SAMD4B: variants seen among roughly 807,000 people sequenced by gnomAD.
SAMD4B encodes the protein protein Smaug homolog 2.
Under a neutral mutation model 74.5 loss-of-function variants are expected in SAMD4B, and 5 were observed. That is an observed-to-expected ratio of 0.07 (90% CI 0.04 to 0.14). The LOEUF (loss-of-function observed/expected upper bound fraction) is 0.14. Among genes scored for constraint, SAMD4B ranks in the 10% least tolerant of loss-of-function variants. SAMD4B has a pLI of 1.00. For missense variants in SAMD4B, 608 were observed against 921.8 expected (o/e 0.66, Z 4.41); for synonymous variants, 373 against 374.9 (o/e 1.00, Z 0.06).
downstream of SAMD4B, chr19:39,390,245 C>G: frequency 6.2e-7 from 1 of 1,613,846 alleles, no homozygotes; most frequent in Non-Finnish European, 8.5e-7. Flanking sequence ...CCTGGGAAAG[C>G]ACAGTGGGGC....
rs775644806 is a variant in SAMD4B, at chr19:39,384,763, A to G, written c.*1236A>G. 1.4e-4 allele frequency: 21 copies of G among 152,534 alleles called. No individual in the cohort carries two copies. Among genetic ancestry groups the G allele is most frequent in the Non-Finnish European group, 2.4e-4 (16 of 68,012 alleles). The allele number at this position is 152,534 out of a possible 1,614,324, so 9.4% of individuals were successfully genotyped here. On this transcript the variant is annotated 3_prime_UTR_variant, in exon 14 of 14. Coordinates refer to ENST00000610417, the MANE Select transcript of SAMD4B (RefSeq NM_001384574.2). ...TCCTCCCCCTCAACCCACCTTCCCA[A>G]CTGGGACATTCTCAAGCTTTTCACA...
At chr19:39,369,435 G>A (rs935223480) in intron 3 of SAMD4B, 1 of 566,632 alleles carries the variant, frequency 1.8e-6, no homozygotes, top group Non-Finnish European at 3.1e-6. Flanking sequence ...GCAACATAGT[G>A]AGACCCCATC....
In SAMD4B at chr19:39,377,609, C is replaced by T. The variant is rs2077680713; in HGVS notation, c.1229C>T (p.Ala410Val). 6.8e-6 allele frequency: 11 copies of T among 1,614,086 alleles called. No individual in the cohort carries two copies. The highest frequency in any genetic ancestry group is 1.7e-4 in the Middle Eastern group (1 of 6,060). The change falls in exon 8 of 14, where the codon GCC becomes GTC. Residue 410 changes from alanine to valine, a missense_variant. By Grantham distance (64) the Ala-to-Val change is moderately conservative. Coordinates refer to ENST00000610417, the MANE Select transcript of SAMD4B (RefSeq NM_001384574.2). ...GCTGCCGCCACCACCACCCCTACTG[C>T]CAAGGATGGGGCCCCGGGGGAACCA... ...TVAAATTTPT[A>V]KDGAPGEPPL... is the part of the protein sequence containing the mutation.
chr19:39,390,375 T>TATA (rs67921476), downstream of SAMD4B: 4 of 1,297,892 alleles, frequency 3.1e-6, no homozygotes, highest in East Asian at 5.0e-5. Context: ...TTTCAAAAGG[T>TATA]AGGAGGGGTG....
At chr19:39,386,276 G>C (rs145049661), downstream of SAMD4B, 3 of 1,613,950 alleles carry the variant, frequency 1.9e-6, no homozygotes, top group South Asian at 2.2e-5. The surrounding 1 kb of genome is among the most constrained non-coding windows in gnomAD (Gnocchi z 6.1). Context: ...CGCTGCTCTC[G>C]TCCTCACCAC....
downstream of SAMD4B, among the ~76,000 whole-genome samples, chr19:39,388,164 C>T (rs892148420): frequency 6.6e-6 from 1 of 152,092 alleles, no homozygotes; most frequent in African/African-American, 2.4e-5. Context: ...TTTTTTCTGG[C>T]TCCTCCTGTT....
At chr19:39,379,933 C>T (rs1417231150) in intron 9 of SAMD4B, 33 bp from the exon 10 acceptor site, 4 of 1,528,446 alleles carry the variant, frequency 2.6e-6, no homozygotes, top group South Asian at 2.3e-5. Flanking sequence ...AAGCATCACC[C>T]TCTCTGCTTC....
Position 39,375,930 on chromosome 19 carries a change from C to G in SAMD4B, c.907+41C>G. 6.3e-7 allele frequency: 1 copy of G among 1,588,654 alleles called. No individual in the cohort carries two copies. The highest frequency in any genetic ancestry group is 8.5e-7 in the Non-Finnish European group (1 of 1,171,012). On this transcript the variant is annotated intron_variant, in intron 5 of 13. Transcript: ENST00000610417. The surrounding 1 kb of genome is among the most constrained non-coding windows in gnomAD (Gnocchi z 4.1). ...CAGCACCAGGACCCTTTTCCAGGGGCTTCTGCAGAGCTTAGAGGACAGAAA... is the reference window on the plus strand; with the variant it reads ...CAGCACCAGGACCCTTTTCCAGGGGGTTCTGCAGAGCTTAGAGGACAGAAA...
chr19:39,381,335 C>G (rs2077972157), intron 12 of SAMD4B: 2 of 520,312 alleles, frequency 3.8e-6, no homozygotes, highest in South Asian at 2.8e-5. Flanking sequence ...GAGTCATCAT[C>G]TCTCACCCCT....
chr19:39,369,564 A>T, intron 3 of SAMD4B, 91 bp from the exon 4 acceptor site: 1 of 962,510 alleles, frequency 1.0e-6, no homozygotes, highest in Middle Eastern at 2.2e-4. Context: ...AGAAGATTGG[A>T]GCTGAGGGAA....
intron 1 of SAMD4B, among the ~76,000 whole-genome samples, chr19:39,343,992 C>A (rs927590988): frequency 3.9e-5 from 3 of 77,590 alleles, no homozygotes; most frequent in East Asian, 3.2e-4. Flanking sequence ...ACCCCCCCCC[C>A]CCACACACAC....
In SAMD4B at chr19:39,383,881, A is replaced by G; in HGVS notation, c.*354A>G. Reference sequence around the variant, plus strand: ...CACCTGCCTCTCCCCAAGGGAGCAGACTCCCCAGAGACAAACTGACCACTA... The same window carrying G: ...CACCTGCCTCTCCCCAAGGGAGCAGGCTCCCCAGAGACAAACTGACCACTA... On this transcript the variant is annotated 3_prime_UTR_variant, in exon 14 of 14. Transcript: ENST00000610417. The surrounding 1 kb of genome is among the most constrained non-coding windows in gnomAD (Gnocchi z 4.1). 3.1e-6 allele frequency: 2 copies of G among 636,950 alleles called. No individual in the cohort carries two copies. Among genetic ancestry groups the G allele is most frequent in the East Asian group, 2.8e-5 (1 of 36,328 alleles). 39.5% of individuals were successfully genotyped at this position (636,950 alleles called of 1,614,324 possible). A position where few individuals can be genotyped will look rare whatever the true frequency, so the allele number is the denominator to read the frequency against.
At chr19:39,348,587 A>G (rs2075835751) in intron 1 of SAMD4B, among the ~76,000 whole-genome samples, 1 of 152,220 alleles carries the variant, frequency 6.6e-6, no homozygotes, top group Non-Finnish European at 1.5e-5. Context: ...CTTGCAGCCT[A>G]AGGGCCACAG....
At chr19:39,390,252 G>C (rs746092128), downstream of SAMD4B, 4 of 1,613,854 alleles carry the variant, frequency 2.5e-6, no homozygotes, top group East Asian at 8.9e-5. Flanking sequence ...AAGCACAGTG[G>C]GGCTCACCTC....
chr19:39,354,751 G>A (rs951925739), intron 2 of SAMD4B, among the ~76,000 whole-genome samples: 4 of 152,236 alleles, frequency 2.6e-5, no homozygotes, highest in Non-Finnish European at 5.9e-5. Context: ...ACAGGAGCCA[G>A]CTTCTAGGGG....
chr19:39,357,203 T>G (rs2076383598), intron 3 of SAMD4B, 114 bp downstream of exon 3: 1 of 883,848 alleles, frequency 1.1e-6, no homozygotes, highest in African/African-American at 1.7e-5. Context: ...GTTCTAGGCT[T>G]GGTGGGTGGG....
intron 3 of SAMD4B, among the ~76,000 whole-genome samples, chr19:39,363,407 G>C (rs1430901878): frequency 6.6e-6 from 1 of 152,036 alleles, no homozygotes; most frequent in Non-Finnish European, 1.5e-5. Context: ...GTCTGTTTTT[G>C]GTAAATAACT....
intron 2 of SAMD4B, among the ~76,000 whole-genome samples, chr19:39,355,181 A>G (rs1276882411): frequency 6.6e-6 from 1 of 152,106 alleles, no homozygotes; most frequent in Non-Finnish European, 1.5e-5. Context: ...CCTTATTTAG[A>G]TTTTATTTAA....
intron 4 of SAMD4B, among the ~76,000 whole-genome samples, chr19:39,374,568 G>A (rs148999137): frequency 1.8e-3 from 270 of 152,266 alleles, no homozygotes; most frequent in African/African-American, 6.1e-3. Flanking sequence ...CAGGCTGGGC[G>A]CAGTGGCTCA....
Sources: allele counts gnomAD v4.1 joint callset (sites outside exome capture counted in the v4.1 genomes callset), GRCh38; gene constraint gnomAD v4.1.1; non-coding constraint Gnocchi (gnomAD v3.1); transcripts MANE v1.5; gene names NCBI Gene and HGNC (gene_info 2026-07-23, HGNC 2026-07-21).